Variants in GOLIM4 observed in about 807,000 individuals in gnomAD.
GOLIM4 encodes golgi integral membrane protein 4, also known as 130 kDa golgi-localized phosphoprotein.
A neutral mutation model predicts 107.4 loss-of-function variants in GOLIM4; 71 were observed. The ratio of observed to expected loss-of-function variants is 0.66; its 90% CI spans 0.55 to 0.81. The LOEUF is 0.81. Among genes scored for constraint, GOLIM4 ranks in the 30% least tolerant of loss-of-function variants. GOLIM4 has a pLI of 0.00. For synonymous variants in GOLIM4, 327 were observed against 294.8 expected, an observed-to-expected ratio of 1.11 and a Z score of -1.12; for missense variants, 830 against 826.1, an observed-to-expected ratio of 1.00 and a Z score of -0.06.
intron 1 of GOLIM4, among the ~76,000 whole-genome samples, chr3:168,055,338 G>A (rs191436356): frequency 5.3e-5 from 8 of 152,252 alleles, no homozygotes. Context: ...GGTCTCAAAT[G>A]GAGATGAGAA....
intron 14 of GOLIM4, among the ~76,000 whole-genome samples, chr3:168,019,338 T>C (rs535541207): frequency 1.3e-5 from 2 of 152,336 alleles, no homozygotes; most frequent in East Asian, 3.9e-4. Flanking sequence ...TTCTTAAAAA[T>C]TCAAGATATG....
Position 168,050,563 on chromosome 3 carries a change from A to T in GOLIM4, c.188-2198T>A, listed in dbSNP as rs1156970348. ...AGGCAAGAATAGGATGCTCAGGAAC[A>T]CGTAAGCTCCCCAGCTGGAAGGAAA... On this transcript the variant is annotated intron_variant, in intron 1 of 15. Coordinates refer to ENST00000470487, the MANE Select transcript of GOLIM4 (RefSeq NM_014498.5). Among the ~76,000 whole-genome samples the T allele has an allele frequency of 5.9e-5, 9 of 152,208 alleles. No individual in the cohort carries two copies. In the East Asian group the frequency reaches 1.2e-3, roughly 20 times the overall value.
chr3:168,010,989 A>C (rs1300835811), intron 14 of GOLIM4, among the ~76,000 whole-genome samples, 166 bp from the exon 15 acceptor site: 1 of 152,242 alleles, frequency 6.6e-6, no homozygotes, highest in Non-Finnish European at 1.5e-5. Flanking sequence ...ACAATTGAAA[A>C]AATATGTCAA....
chr3:168,024,726 G>T, intron 13 of GOLIM4, 132 bp from the exon 14 acceptor site: 1 of 849,668 alleles, frequency 1.2e-6, no homozygotes, highest in Non-Finnish European at 2.0e-6. Flanking sequence ...AGGAAATGAT[G>T]AGTAATCATT....
chr3:168,020,244 G>A (rs928386782), intron 14 of GOLIM4, among the ~76,000 whole-genome samples: 14 of 152,264 alleles, frequency 9.2e-5, no homozygotes, highest in African/African-American at 3.4e-4. Context: ...TGTGGTTGGG[G>A]AGTCATGGAC....
chr3:168,031,755 G>A (rs9845202), intron 9 of GOLIM4, among the ~76,000 whole-genome samples: 27,179 of 152,148 alleles, frequency 0.18, 2,811 homozygotes, highest in Middle Eastern at 0.29. Flanking sequence ...ATCTGAGGCC[G>A]AATAAAACTT....
At chr3:168,079,262 A>G (rs556347678) in intron 1 of GOLIM4, among the ~76,000 whole-genome samples, 1 of 152,348 alleles carries the variant, frequency 6.6e-6, no homozygotes, top group African/African-American at 2.4e-5. Flanking sequence ...TGAGCAATCT[A>G]CAACTACATG....
At chr3:168,036,782 G>A in intron 8 of GOLIM4, 54 bp downstream of exon 8, 2 of 1,423,060 alleles carry the variant, frequency 1.4e-6, no homozygotes, top group Admixed American at 2.1e-5. Flanking sequence ...TCCCCTCTTG[G>A]CAACTTGACA....
At chr3:168,082,502 T>C (rs16851782) in intron 1 of GOLIM4, among the ~76,000 whole-genome samples, 57,879 of 151,758 alleles carry the variant, frequency 0.38, 11,315 homozygotes, top group East Asian at 0.57. Context: ...CCTTGGACAG[T>C]TTCAACATAA....
Position 168,029,982 on chromosome 3 carries a change from A to T in GOLIM4, c.1231T>A (p.Leu411Met). Residue 411 changes from leucine (L) to methionine (M), a missense_variant, in exon 10 of 16, where the codon TTG (leucine) becomes ATG (methionine). Coordinates refer to ENST00000470487, the MANE Select transcript of GOLIM4 (RefSeq NM_014498.5). Reference protein sequence around the residue: ...IKFQSPYEEQLEQQRLAVQQV... With the variant: ...IKFQSPYEEQMEQQRLAVQQV... ...TGCACTGCCAGTCTCTGCTGTTCCA[A>T]CTGTTCCTCATAGGGTGATTGGAAT... 1.2e-6 allele frequency: 2 copies of T among 1,613,960 alleles called. No individual in the cohort carries two copies. Among genetic ancestry groups the T allele is most frequent in the Non-Finnish European group, 1.7e-6 (2 of 1,179,960 alleles).
At chr3:168,036,132 G>A (rs6444791) in intron 8 of GOLIM4, among the ~76,000 whole-genome samples, 1 of 151,908 alleles carries the variant, frequency 6.6e-6, no homozygotes, top group Non-Finnish European at 1.5e-5. Flanking sequence ...ATCATTTAAC[G>A]TTCTCACCCT....
chr3:168,011,526 C>T (rs1020939680), intron 14 of GOLIM4, among the ~76,000 whole-genome samples: 12 of 151,944 alleles, frequency 7.9e-5, no homozygotes, highest in African/African-American at 2.9e-4. Flanking sequence ...GAAGCTCCAA[C>T]TGGGCGGAGC....
intron 5 of GOLIM4, among the ~76,000 whole-genome samples, chr3:168,042,708 A>G (rs923011839): frequency 6.6e-6 from 1 of 152,248 alleles, no homozygotes; most frequent in Non-Finnish European, 1.5e-5. Flanking sequence ...GTTTCATATT[A>G]CTATGAAAAT....
At chr3:168,080,116 G>A (rs975629664) in intron 1 of GOLIM4, among the ~76,000 whole-genome samples, 5 of 152,098 alleles carry the variant, frequency 3.3e-5, no homozygotes, top group African/African-American at 1.2e-4. Context: ...AGAATTAGAA[G>A]AACAGTTGGG....
At chr3:168,068,015 C>T (rs969076230) in intron 1 of GOLIM4, among the ~76,000 whole-genome samples, 3 of 151,678 alleles carry the variant, frequency 2.0e-5, no homozygotes, top group Non-Finnish European at 4.4e-5. Flanking sequence ...TGGTGTTTCA[C>T]TAGGAATATA....
intron 1 of GOLIM4, among the ~76,000 whole-genome samples, chr3:168,060,391 A>G (rs868204698): frequency 6.6e-6 from 1 of 152,196 alleles, no homozygotes; most frequent in Middle Eastern, 3.2e-3. Flanking sequence ...GAGGCCATAT[A>G]ATATTCAGAT....
At chr3:168,066,441 C>A (rs1490534844) in intron 1 of GOLIM4, among the ~76,000 whole-genome samples, 1 of 152,060 alleles carries the variant, frequency 6.6e-6, no homozygotes, top group Non-Finnish European at 1.5e-5. Context: ...AGACATTTTA[C>A]CTTTATTTGC....
rs551619457 is a variant in GOLIM4, at chr3:168,019,850, G to A, written c.1860+4676C>T. ...AGGTTGGCCAGTGAGCTCAGGTGGT[G>A]ACAGCCTGATCCCTTCATGGTAAAG... On this transcript the variant is annotated intron_variant, in intron 14 of 15. Coordinates refer to ENST00000470487, the MANE Select transcript of GOLIM4 (RefSeq NM_014498.5). Among the ~76,000 whole-genome samples the A allele has an allele frequency of 4.5e-4, 68 of 152,210 alleles. No individual in the cohort carries two copies. In the Middle Eastern group the frequency reaches 0.01, roughly 23 times the overall value.
chr3:168,032,873 G>A, intron 8 of GOLIM4, 21 bp from the exon 9 acceptor site: 4 of 1,533,218 alleles, frequency 2.6e-6, no homozygotes, highest in Non-Finnish European at 3.6e-6. Context: ...CACATCACTG[G>A]GAATGACACT....
Sources: allele counts gnomAD v4.1 joint callset (sites outside exome capture counted in the v4.1 genomes callset), GRCh38; gene constraint gnomAD v4.1.1; transcripts MANE v1.5; gene names NCBI Gene and HGNC (gene_info 2026-07-23, HGNC 2026-07-21).